Variants in NAALADL2 observed in about 807,000 individuals in gnomAD.
NAALADL2 encodes inactive N-acetylated-alpha-linked acidic dipeptidase-like protein 2.
NAALADL2 carries 76 observed loss-of-function variants against 87.2 expected under a neutral mutation model. That is an observed-to-expected ratio of 0.87 (90% CI 0.72 to 1.05). The LOEUF (loss-of-function observed/expected upper bound fraction) is 1.05, where lower values mean the gene tolerates loss of function less well. NAALADL2 is among the 50% of genes least tolerant of loss of function. The pLI is 0.00. For missense variants in NAALADL2, 1,089 were observed against 945.8 expected (o/e 1.15, Z -1.99); for synonymous variants, 354 against 331.0 (o/e 1.07, Z -0.75).
intron 11 of NAALADL2, among the ~76,000 whole-genome samples, chr3:175,650,136 A>G (rs1730563540): frequency 6.6e-6 from 1 of 152,106 alleles, no homozygotes; most frequent in Non-Finnish European, 1.5e-5. Context: ...CATGCAAATA[A>G]TAAAAAGAAT....
At chr3:174,851,057 G>T (rs1725183955) in intron 3 of NAALADL2, among the ~76,000 whole-genome samples, 1 of 151,932 alleles carries the variant, frequency 6.6e-6, no homozygotes, top group Non-Finnish European at 1.5e-5. Context: ...TTCAATTCTA[G>T]AAACAAATGA....
intron 5 of NAALADL2, among the ~76,000 whole-genome samples, chr3:175,426,846 C>T (rs1488100538): frequency 2.6e-5 from 4 of 152,052 alleles, no homozygotes; most frequent in East Asian, 3.9e-4. Context: ...CTATGCAGCT[C>T]GTAGCTGATA....
chr3:174,532,813 A>G (rs1364752832), intron 1 of NAALADL2, among the ~76,000 whole-genome samples: 1 of 152,088 alleles, frequency 6.6e-6, no homozygotes, highest in Non-Finnish European at 1.5e-5. Flanking sequence ...CAGGAAATCT[A>G]TCACATTAAG....
intron 2 of NAALADL2, among the ~76,000 whole-genome samples, chr3:174,733,568 G>C (rs568109110): frequency 2.0e-5 from 3 of 152,326 alleles, no homozygotes; most frequent in African/African-American, 4.8e-5. Context: ...TAGCTTGAAG[G>C]CTTGAGCTTC....
At chr3:174,910,081 G>T (rs1342592423) in intron 1 of NAALADL2, among the ~76,000 whole-genome samples, 1 of 151,966 alleles carries the variant, frequency 6.6e-6, no homozygotes, top group Non-Finnish European at 1.5e-5. Flanking sequence ...TATCTAAATT[G>T]TGTTCATCAG....
intron 2 of NAALADL2, among the ~76,000 whole-genome samples, chr3:174,641,638 T>G (rs986866627): frequency 6.6e-6 from 1 of 152,206 alleles, no homozygotes; most frequent in African/African-American, 2.4e-5. Context: ...GAGTCAGTCT[T>G]CAGCTGCTGT....
chr3:175,501,790 A>G (rs552729303), intron 9 of NAALADL2, among the ~76,000 whole-genome samples: 1 of 152,234 alleles, frequency 6.6e-6, no homozygotes, highest in Non-Finnish European at 1.5e-5. Flanking sequence ...AATTTAGGAG[A>G]AAGGTAAATG....
intron 5 of NAALADL2, among the ~76,000 whole-genome samples, chr3:175,340,711 C>T (rs1762480628): frequency 6.6e-6 from 1 of 152,178 alleles, no homozygotes; most frequent in African/African-American, 2.4e-5. Flanking sequence ...ATGCAATTAA[C>T]ATGATCATGG....
chr3:174,494,433 T>C (rs1209408586), intron 1 of NAALADL2, among the ~76,000 whole-genome samples: 1 of 142,892 alleles, frequency 7.0e-6, no homozygotes, highest in Non-Finnish European at 1.5e-5. Context: ...ATGAGAACAC[T>C]TGGACACGGG....
chr3:175,381,671 C>T (rs1165901729), intron 5 of NAALADL2, among the ~76,000 whole-genome samples: 1 of 152,040 alleles, frequency 6.6e-6, no homozygotes, highest in African/African-American at 2.4e-5. Context: ...TAAGAACTCA[C>T]AAAAAAATTA....
intron 5 of NAALADL2, among the ~76,000 whole-genome samples, chr3:175,349,192 C>G (rs1763470678): frequency 7.2e-6 from 1 of 138,138 alleles, no homozygotes; most frequent in African/African-American, 2.8e-5. Context: ...CATAATTCCA[C>G]TGGACAACTG....
Position 174,920,022 on chromosome 3 carries a change from A to T in NAALADL2, c.43+60572A>T, listed in dbSNP as rs545344698. 2.0e-5 allele frequency among the ~76,000 whole-genome samples: 3 copies of T among 152,346 alleles called. No individual in the cohort carries two copies. The East Asian group carries it at 5.8e-4, about 29-fold the overall frequency. ...TCTCGACAGTGGGCTTGAAATATTCAGTAGACCATGCTATAAACATGTATG... is the reference window on the plus strand; with the variant it reads ...TCTCGACAGTGGGCTTGAAATATTCTGTAGACCATGCTATAAACATGTATG... On this transcript the variant is annotated intron_variant, in intron 1 of 13. Coordinates refer to ENST00000454872, the MANE Select transcript of NAALADL2 (RefSeq NM_207015.3).
chr3:175,290,092 C>G (rs1755468135), intron 4 of NAALADL2, among the ~76,000 whole-genome samples: 2 of 152,152 alleles, frequency 1.3e-5, no homozygotes, highest in African/African-American at 4.8e-5. Flanking sequence ...GCAACTGGAA[C>G]TCTAAAACAT....
At chr3:175,744,639 TA>T (rs1420741100) in intron 12 of NAALADL2, among the ~76,000 whole-genome samples, 2 of 152,176 alleles carry the variant, frequency 1.3e-5, no homozygotes, top group Admixed American at 1.3e-4. Context: ...TGACTTAAAA[TA>T]ATCATGGTCA....
intron 9 of NAALADL2, among the ~76,000 whole-genome samples, chr3:175,515,086 T>C (rs1282578251): frequency 1.3e-5 from 2 of 152,232 alleles, no homozygotes; most frequent in Non-Finnish European, 2.9e-5. Context: ...CTACCTCTTG[T>C]AGAACTATCA....
intron 10 of NAALADL2, among the ~76,000 whole-genome samples, chr3:175,580,319 A>C (rs370250081): frequency 6.6e-6 from 1 of 152,150 alleles, no homozygotes; most frequent in Non-Finnish European, 1.5e-5. Flanking sequence ...ATTTGTGCAA[A>C]TATAATACAG....
Position 175,580,961 on chromosome 3 carries a change from A to G in NAALADL2, c.1800+4774A>G, listed in dbSNP as rs112834610. On this transcript the variant is annotated intron_variant, in intron 10 of 13. Transcript: ENST00000454872. ...ACTAGAAGTGAGAAAAATACATAAT[A>G]TTTATTTTAAAATTATTTCATAATA... Among the ~76,000 whole-genome samples, 458 of 152,182 alleles carry G rather than the reference A, an allele frequency of 3.0e-3. 2 individuals carry two copies. Among genetic ancestry groups the G allele is most frequent in the African/African-American group, 0.01 (433 of 41,550 alleles).
chr3:174,841,066 G>A (rs1723975813), intron 3 of NAALADL2, among the ~76,000 whole-genome samples: 2 of 150,994 alleles, frequency 1.3e-5, no homozygotes. Flanking sequence ...AGAAGAAAAG[G>A]AAGAAAGAGA....
At chr3:175,241,835 A>G (rs1044650154) in intron 3 of NAALADL2, among the ~76,000 whole-genome samples, 8 of 139,204 alleles carry the variant, frequency 5.7e-5, no homozygotes, top group Non-Finnish European at 1.2e-4. Flanking sequence ...ATTTTTAGTG[A>G]GAAAGTATCT....
Sources: allele counts gnomAD v4.1 joint callset (sites outside exome capture counted in the v4.1 genomes callset), GRCh38; gene constraint gnomAD v4.1.1; transcripts MANE v1.5; gene names NCBI Gene and HGNC (gene_info 2026-07-23, HGNC 2026-07-21).